FSTL4: variants seen among roughly 807,000 people sequenced by gnomAD.
FSTL4 encodes the protein follistatin like 4.
FSTL4 carries 28 observed loss-of-function variants against 78.2 expected under a neutral mutation model. The observed-to-expected ratio is 0.36, with a 90% CI of 0.27 to 0.49. FSTL4 has a LOEUF of 0.49. Ranked by LOEUF, FSTL4 falls within the 20% of genes least tolerant of loss-of-function variation. FSTL4 has a pLI of 0.98. For synonymous variants in FSTL4, 422 were observed against 440.5 expected, an observed-to-expected ratio of 0.96 and a Z score of 0.53; for missense variants, 922 against 1,084.9, an observed-to-expected ratio of 0.85 and a Z score of 2.11.
At chr5:133,546,505 CAAAAA>C (rs71581365) in intron 3 of FSTL4, among the ~76,000 whole-genome samples, 3 of 75,422 alleles carry the variant, frequency 4.0e-5, no homozygotes, top group African/African-American at 4.6e-5. Flanking sequence ...GACTTTGTCT[CAAAAA>C]AAAAAAAAAA....
chr5:133,444,240 A>C (rs146482214), intron 3 of FSTL4, among the ~76,000 whole-genome samples: 1 of 152,350 alleles, frequency 6.6e-6, no homozygotes, highest in East Asian at 1.9e-4. Context: ...CTTCTTGCCC[A>C]CAGTCCCCAT....
In FSTL4 at chr5:133,312,738, C is replaced by G. The variant is rs760609240; in HGVS notation, c.643G>C (p.Gly215Arg). ...KKQDLDEDLL[G>R]CSPGDLLRFD... is the part of the protein sequence containing the mutation. The stretch of plus-strand genomic sequence containing the variant: ...CGGAGGAGGTCACCTGGTGAGCAAC[C>G]AAGTAAGTCTTCATCCAGGTCCTGC... Residue 215 changes from glycine (G) to arginine (R), a missense_variant, in exon 6 of 16, where the codon GGT becomes CGT. Coordinates refer to ENST00000265342, the MANE Select transcript of FSTL4 (RefSeq NM_015082.2). 2 of 1,613,732 alleles carry G rather than the reference C, an allele frequency of 1.2e-6. No homozygotes were observed. The highest frequency in any genetic ancestry group is 2.7e-5 in the African/African-American group (2 of 74,924).
chr5:133,651,588 T>C, the FSTL4 span, among the ~76,000 whole-genome samples: 33,114 of 152,066 alleles, frequency 0.22, 3,843 homozygotes, highest in Admixed American at 0.29. Flanking sequence ...TGGGATAAAC[T>C]TCACTTGGTC....
At chr5:133,242,635 G>C (rs550178333) in intron 7 of FSTL4, among the ~76,000 whole-genome samples, 1 of 152,140 alleles carries the variant, frequency 6.6e-6, no homozygotes, top group Non-Finnish European at 1.5e-5. Flanking sequence ...CACCCCACAG[G>C]TTCCACAGGC....
chr5:133,724,968 G>A, the FSTL4 span, among the ~76,000 whole-genome samples: 5 of 152,302 alleles, frequency 3.3e-5, no homozygotes, highest in African/African-American at 1.2e-4. Context: ...TTGTTGAAAA[G>A]ACTAACCTTT....
chr5:133,371,547 C>T (rs1204659301), intron 4 of FSTL4, among the ~76,000 whole-genome samples: 3 of 152,198 alleles, frequency 2.0e-5, no homozygotes, highest in Non-Finnish European at 4.4e-5. Flanking sequence ...CTCCACTTGT[C>T]TGGCACAACA....
the FSTL4 span, among the ~76,000 whole-genome samples, chr5:133,665,059 G>C: frequency 6.6e-6 from 1 of 152,124 alleles, no homozygotes; most frequent in African/African-American, 2.4e-5. Context: ...ATGAGCATAG[G>C]GTTATAATGG....
chr5:133,285,063 C>A (rs1012937273), intron 6 of FSTL4, among the ~76,000 whole-genome samples: 1 of 152,204 alleles, frequency 6.6e-6, no homozygotes, highest in African/African-American at 2.4e-5. Context: ...CCCCACTGGG[C>A]GGCCCTGAGA....
At chr5:133,750,874 G>T in the FSTL4 span, among the ~76,000 whole-genome samples, 3 of 152,110 alleles carry the variant, frequency 2.0e-5, no homozygotes, top group Admixed American at 6.5e-5. Flanking sequence ...ACTGATCTAT[G>T]CTGACCAAGG....
intron 3 of FSTL4, among the ~76,000 whole-genome samples, chr5:133,416,105 G>A (rs1390012547): frequency 2.6e-5 from 4 of 152,150 alleles, no homozygotes; most frequent in African/African-American, 9.7e-5. Context: ...TTCCAGGGAA[G>A]GGGCAGGGAA....
At chr5:133,568,687 C>T (rs1483454064) in intron 2 of FSTL4, among the ~76,000 whole-genome samples, 1 of 152,190 alleles carries the variant, frequency 6.6e-6, no homozygotes, top group Non-Finnish European at 1.5e-5. Context: ...ACATAAGCCA[C>T]AGAGCGTATT....
the FSTL4 span, among the ~76,000 whole-genome samples, chr5:133,702,375 G>A: frequency 6.6e-6 from 1 of 152,158 alleles, no homozygotes; most frequent in Non-Finnish European, 1.5e-5. Context: ...CCAGACCAGC[G>A]GCAGGTGCTG....
intron 3 of FSTL4, among the ~76,000 whole-genome samples, chr5:133,538,074 C>T (rs1394390080): frequency 6.6e-6 from 1 of 151,842 alleles, no homozygotes; most frequent in Non-Finnish European, 1.5e-5. Context: ...ATCCACAGTC[C>T]ATATTCAATT....
At chr5:133,809,680 A>G in the FSTL4 span, among the ~76,000 whole-genome samples, 1 of 152,216 alleles carries the variant, frequency 6.6e-6, no homozygotes, top group Non-Finnish European at 1.5e-5. Context: ...AGATGAGACT[A>G]GTTCACAGAG....
intron 4 of FSTL4, among the ~76,000 whole-genome samples, chr5:133,393,349 T>C (rs1398366463): frequency 6.6e-6 from 1 of 152,198 alleles, no homozygotes; most frequent in Non-Finnish European, 1.5e-5. Context: ...TATAAATTCC[T>C]TGAGGTCAGG....
intron 3 of FSTL4, among the ~76,000 whole-genome samples, chr5:133,436,831 C>T (rs546838172): frequency 6.6e-6 from 1 of 152,094 alleles, no homozygotes; most frequent in African/African-American, 2.4e-5. Flanking sequence ...GGGTGGAAAA[C>T]AGATTCCAGG....
intron 4 of FSTL4, among the ~76,000 whole-genome samples, chr5:133,360,865 C>T (rs1054328429): frequency 2.0e-5 from 3 of 152,188 alleles, no homozygotes; most frequent in Admixed American, 6.5e-5. Context: ...TCCCAATTAT[C>T]ACCGTGAGTG....
intron 6 of FSTL4, among the ~76,000 whole-genome samples, chr5:133,292,555 CA>C (rs35459497): frequency 7.4e-4 from 108 of 145,362 alleles, no homozygotes; most frequent in Admixed American, 6.1e-4. Context: ...ACCTGTGAAT[CA>C]AAAAAAAAAA....
intron 6 of FSTL4, among the ~76,000 whole-genome samples, chr5:133,290,343 C>A (rs1753230876): frequency 6.6e-6 from 1 of 152,240 alleles, no homozygotes; most frequent in Non-Finnish European, 1.5e-5. Flanking sequence ...CCTCTGCCGC[C>A]AGCACTGGGC....
Sources: allele counts gnomAD v4.1 joint callset (sites outside exome capture counted in the v4.1 genomes callset), GRCh38; gene constraint gnomAD v4.1.1; transcripts MANE v1.5; gene names NCBI Gene and HGNC (gene_info 2026-07-23, HGNC 2026-07-21).